The following NXN variants were observed in gnomAD, a reference collection of about 807,000 sequenced individuals.
NXN encodes the protein nucleoredoxin 1.
A neutral mutation model predicts 48.6 loss-of-function variants in NXN; 16 were observed. That is an observed-to-expected ratio of 0.33 (90% confidence interval 0.22 to 0.50). The LOEUF is 0.50. NXN is among the 20% of genes least tolerant of loss of function. NXN has a pLI of 0.98. For synonymous variants in NXN, 281 were observed against 269.6 expected, an observed-to-expected ratio of 1.04 and a Z score of -0.41; for missense variants, 492 against 605.5, an observed-to-expected ratio of 0.81 and a Z score of 1.97.
Position 819,452 on chromosome 17 carries a change from C to T in NXN, c.807G>A (p.Leu269=), listed in dbSNP as rs1167409417. Residue 269 remains leucine (L), a synonymous_variant, in exon 5 of 8, where the codon CTG becomes CTA. Coordinates refer to ENST00000336868, the MANE Select transcript of NXN (RefSeq NM_022463.5). ...TGGAGCGCCTACCTTGGATTCCGTA[C>T]AGCCGGTTGAGGCGCGACCGCCGGG... ...DEARRSRLNR[L]YGIQGIPTLI... 5.0e-6 allele frequency: 8 copies of T among 1,613,952 alleles called. No individual in the cohort carries two copies. Among genetic ancestry groups the T allele is most frequent in the Non-Finnish European group, 6.8e-6 (8 of 1,179,952 alleles).
chr17:970,049 G>T (rs1335631903), intron 1 of NXN, among the ~76,000 whole-genome samples: 1 of 152,138 alleles, frequency 6.6e-6, no homozygotes, highest in Non-Finnish European at 1.5e-5. Flanking sequence ...TTTTTAAAAG[G>T]ACTTTCTGAT....
chr17:881,331 C>T (rs1455020015), intron 1 of NXN, among the ~76,000 whole-genome samples: 1 of 152,116 alleles, frequency 6.6e-6, no homozygotes, highest in Admixed American at 6.6e-5. Flanking sequence ...CGCCGCAGCA[C>T]CCCAGACTCA....
rs568077185 is a variant in NXN at position 806,120 on chromosome 17, C to T, written c.821-873G>A. ...GAGGACAGCTGACTGCAGCCCCCGC[C>T]GTCTGCACCCCAGCCCTCCCCGCTC... is the stretch of plus-strand genomic sequence containing the variant. On this transcript the variant is annotated intron_variant, in intron 5 of 7. Coordinates refer to ENST00000336868, the MANE Select transcript of NXN (RefSeq NM_022463.5). Among the ~76,000 whole-genome samples the T allele has an allele frequency of 4.4e-4, 67 of 151,056 alleles. 1 individual carries two copies. The highest frequency in any genetic ancestry group is 1.4e-3 in the African/African-American group (57 of 40,532).
chr17:937,596 C>T (rs887267261), intron 1 of NXN, among the ~76,000 whole-genome samples: 1 of 152,158 alleles, frequency 6.6e-6, no homozygotes, highest in African/African-American at 2.4e-5. Flanking sequence ...GAACACACCC[C>T]CAAAGTTCCT....
In NXN at chr17:873,493, C is replaced by CAAAAAAAAAAAAAAAA. The variant is rs71145783; in HGVS notation, c.361-47431_361-47416dup. Among the ~76,000 whole-genome samples, 10 of 74,994 alleles carry CAAAAAAAAAAAAAAAA rather than the reference C, an allele frequency of 1.3e-4. 1 individual carries two copies. The highest frequency in any genetic ancestry group is 9.7e-4 in the South Asian group (2 of 2,064). The allele number at this position is 74,994 out of a possible 152,430, so 49.2% of individuals were successfully genotyped here. On this transcript the variant is annotated intron_variant, in intron 1 of 7. Coordinates refer to ENST00000336868, the MANE Select transcript of NXN (RefSeq NM_022463.5). ...ACCTGGGAGACAGAGACACTGTCTCCAAAAAAAAAAAAAAAAAGGAGTCTC... is the reference window on the plus strand; with the variant it reads ...ACCTGGGAGACAGAGACACTGTCTCCAAAAAAAAAAAAAAAAAAAAAAAAAAAAAAAAAGGAGTCTC...
chr17:911,938 CTT>C (rs147131427), intron 1 of NXN, among the ~76,000 whole-genome samples: 68 of 141,720 alleles, frequency 4.8e-4, no homozygotes, highest in East Asian at 2.7e-3. Context: ...CATGCATATA[CTT>C]TTTTTTTTTT....
intron 2 of NXN, 98 bp from the exon 3 acceptor site, chr17:823,863 T>C: frequency 1.5e-6 from 2 of 1,320,108 alleles, no homozygotes; most frequent in Non-Finnish European, 2.1e-6. Flanking sequence ...CTTGATGACC[T>C]GGGACCCGGG....
chr17:872,094 G>C (rs747687), intron 1 of NXN, among the ~76,000 whole-genome samples: 17,608 of 152,080 alleles, frequency 0.12, 1,151 homozygotes, highest in African/African-American at 0.19. Flanking sequence ...GGAAGAACCA[G>C]GGATGATGGA....
chr17:833,308 C>T (rs141632311), intron 1 of NXN, among the ~76,000 whole-genome samples: 8 of 152,302 alleles, frequency 5.3e-5, no homozygotes, highest in African/African-American at 1.9e-4. Context: ...ATGAAGGTTA[C>T]TCGGCTCTGA....
chr17:944,009 G>GA, intron 1 of NXN, among the ~76,000 whole-genome samples: 1 of 151,830 alleles, frequency 6.6e-6, no homozygotes, highest in Non-Finnish European at 1.5e-5. Flanking sequence ...AGGCCAAGGT[G>GA]GGTGGATCAC....
chr17:832,121 C>T (rs1021558160), intron 1 of NXN, among the ~76,000 whole-genome samples: 1 of 151,486 alleles, frequency 6.6e-6, no homozygotes, highest in Admixed American at 6.6e-5. Flanking sequence ...GAGTGGTTTG[C>T]ATTTAAGCAC....
intron 5 of NXN, among the ~76,000 whole-genome samples, chr17:813,387 G>A (rs369261579): frequency 4.6e-5 from 7 of 152,356 alleles, no homozygotes; most frequent in East Asian, 1.9e-4. Flanking sequence ...AAGGAGAAAC[G>A]GCCCCCGGCT....
At chr17:902,422 G>A (rs1290513887) in intron 1 of NXN, among the ~76,000 whole-genome samples, 1 of 152,146 alleles carries the variant, frequency 6.6e-6, no homozygotes, top group Non-Finnish European at 1.5e-5. Context: ...CATCTACATC[G>A]AGGCAGAAAC....
At chr17:845,054 G>A (rs1361551595) in intron 1 of NXN, among the ~76,000 whole-genome samples, 4 of 152,018 alleles carry the variant, frequency 2.6e-5, no homozygotes, top group African/African-American at 4.8e-5. Context: ...TGACTGACAC[G>A]TCCAGCACAG....
intron 1 of NXN, among the ~76,000 whole-genome samples, chr17:881,700 C>T (rs758460005): frequency 1.3e-5 from 2 of 152,178 alleles, no homozygotes; most frequent in African/African-American, 4.8e-5. Context: ...CCCAAACTGA[C>T]AACAACTCAC....
At chr17:813,090 A>T (rs1417342293) in intron 5 of NXN, among the ~76,000 whole-genome samples, 1 of 152,264 alleles carries the variant, frequency 6.6e-6, no homozygotes, top group East Asian at 1.9e-4. Flanking sequence ...CCACTGAATG[A>T]CACTGGAAGC....
intron 1 of NXN, among the ~76,000 whole-genome samples, chr17:900,021 G>A (rs1001163123): frequency 6.6e-6 from 1 of 152,156 alleles, no homozygotes; most frequent in African/African-American, 2.4e-5. Context: ...ATCCCAGCAC[G>A]TTGGGAGGCC....
At chr17:969,953 G>T (rs1384750329) in intron 1 of NXN, among the ~76,000 whole-genome samples, 2 of 152,120 alleles carry the variant, frequency 1.3e-5, no homozygotes, top group Non-Finnish European at 2.9e-5. Context: ...CCTGTAATTG[G>T]TGCCTGTACT....
rs1203203091 is a variant in NXN at position 886,584 on chromosome 17, C to A, written c.361-60506G>T. 3.3e-5 allele frequency among the ~76,000 whole-genome samples: 5 copies of A among 152,216 alleles called. No homozygotes were observed. In the Middle Eastern group the frequency reaches 0.01, roughly 311 times the overall value. ...CTGAGGTCAGGAGTTCGAGATCAGC[C>A]TGGCCAATGTGGTGAAACCCCATCT... On this transcript the variant is annotated intron_variant, in intron 1 of 7. Transcript: ENST00000336868.
Sources: gnomAD v4.1 joint callset for allele counts (sites outside exome capture counted in the v4.1 genomes callset) on GRCh38, gnomAD v4.1.1 for gene constraint, MANE v1.5 for transcripts, NCBI Gene and HGNC (gene_info 2026-07-23, HGNC 2026-07-21) for gene names.